Variants in UNC5D observed in about 807,000 individuals in gnomAD.
UNC5D encodes the protein netrin receptor UNC5D.
A neutral mutation model predicts 105.4 loss-of-function variants in UNC5D; 39 were observed. The ratio of observed to expected loss-of-function variants is 0.37; its 90% CI spans 0.29 to 0.48. The LOEUF (loss-of-function observed/expected upper bound fraction) is 0.48. Among genes scored for constraint, UNC5D ranks in the 20% least tolerant of loss-of-function variants. UNC5D has a pLI of 0.98. For missense variants in UNC5D, 991 were observed against 1,202.4 expected, an observed-to-expected ratio of 0.82 and a Z score of 2.60; for synonymous variants, 452 against 450.4, an observed-to-expected ratio of 1.00 and a Z score of -0.04.
intron 2 of UNC5D, among the ~76,000 whole-genome samples, chr8:35,553,141 A>G (rs1272053212): frequency 6.6e-6 from 1 of 152,214 alleles, no homozygotes; most frequent in Non-Finnish European, 1.5e-5. Context: ...TACCACTGCT[A>G]GAAAAATCTT....
intron 1 of UNC5D, among the ~76,000 whole-genome samples, chr8:35,470,903 C>T (rs1219137505): frequency 1.3e-5 from 2 of 152,142 alleles, no homozygotes; most frequent in South Asian, 2.1e-4. Flanking sequence ...CAAGGCCTTA[C>T]ATTTGTATTG....
rs184344237 is a variant in UNC5D, at chr8:35,401,530, A to G, written c.104-147762A>G. On this transcript the variant is annotated intron_variant, in intron 1 of 16. Coordinates refer to ENST00000404895, the MANE Select transcript of UNC5D (RefSeq NM_080872.4). ...GAGAAATACTTGACAGATGAACGAG[A>G]CAGTTCTGAGATGAGGACACCTCGT... Among the ~76,000 whole-genome samples, 407 of 152,266 alleles carry G rather than the reference A, an allele frequency of 2.7e-3. 2 individuals carry two copies. Among genetic ancestry groups the G allele is most frequent in the African/African-American group, 9.4e-3 (391 of 41,540 alleles).
chr8:35,597,983 C>G (rs1046503677), intron 4 of UNC5D, among the ~76,000 whole-genome samples: 7 of 152,108 alleles, frequency 4.6e-5, no homozygotes, highest in South Asian at 2.1e-4. Context: ...CCCCTTCAAT[C>G]TCTCTCAGAT....
intron 1 of UNC5D, among the ~76,000 whole-genome samples, chr8:35,513,872 G>A (rs549835261): frequency 6.6e-6 from 1 of 152,292 alleles, no homozygotes; most frequent in East Asian, 1.9e-4. Context: ...AAAACCAAAT[G>A]ATGCAGTAAA....
At chr8:35,516,648 T>C (rs575673713) in intron 1 of UNC5D, among the ~76,000 whole-genome samples, 90 of 152,294 alleles carry the variant, frequency 5.9e-4, no homozygotes, top group Middle Eastern at 6.8e-3. Flanking sequence ...CTCTACTATC[T>C]CTCCCAAATT....
intron 4 of UNC5D, among the ~76,000 whole-genome samples, chr8:35,634,968 G>A (rs1039594022): frequency 2.6e-5 from 4 of 152,100 alleles, no homozygotes; most frequent in Admixed American, 6.5e-5. Flanking sequence ...ATTTCTCCAC[G>A]TTGGTCAGGC....
At chr8:35,383,533 G>T (rs189982719) in intron 1 of UNC5D, among the ~76,000 whole-genome samples, 1 of 152,188 alleles carries the variant, frequency 6.6e-6, no homozygotes, top group Admixed American at 6.5e-5. Flanking sequence ...TTTCAACAGG[G>T]GCCCAATGAA....
At chr8:35,563,789 T>C (rs1392112471) in intron 2 of UNC5D, among the ~76,000 whole-genome samples, 2 of 152,260 alleles carry the variant, frequency 1.3e-5, no homozygotes, top group Non-Finnish European at 2.9e-5. Flanking sequence ...GTATGTTCTT[T>C]CTATGTATAA....
chr8:35,688,873 G>A (rs1190689955), intron 7 of UNC5D, among the ~76,000 whole-genome samples: 1 of 152,162 alleles, frequency 6.6e-6, no homozygotes, highest in African/African-American at 2.4e-5. Flanking sequence ...ATTGTTTAAA[G>A]CAACTACCTG....
intron 4 of UNC5D, among the ~76,000 whole-genome samples, chr8:35,621,096 A>T (rs1563600243): frequency 6.6e-6 from 1 of 152,098 alleles, no homozygotes; most frequent in Non-Finnish European, 1.5e-5. Context: ...GACAACCAAA[A>T]ATGTCAGCAG....
At chr8:35,499,105 G>C (rs192166411) in intron 1 of UNC5D, among the ~76,000 whole-genome samples, 3 of 152,304 alleles carry the variant, frequency 2.0e-5, no homozygotes, top group Admixed American at 2.0e-4. Context: ...AGAGCTTGGG[G>C]ATTGGTTCAG....
intron 1 of UNC5D, among the ~76,000 whole-genome samples, chr8:35,354,294 T>A (rs1205418549): frequency 2.0e-5 from 3 of 152,142 alleles, no homozygotes; most frequent in Admixed American, 6.6e-5. Context: ...GTTCTTTTGA[T>A]ATATTAAGCA....
intron 9 of UNC5D, among the ~76,000 whole-genome samples, chr8:35,723,221 G>T (rs113726709): frequency 1.3e-5 from 2 of 152,108 alleles, no homozygotes; most frequent in African/African-American, 4.8e-5. Context: ...TCAGTGCAAG[G>T]CAGTGATTGA....
At chr8:35,267,599 C>T (rs1804976254) in intron 1 of UNC5D, among the ~76,000 whole-genome samples, 1 of 152,070 alleles carries the variant, frequency 6.6e-6, no homozygotes, top group Admixed American at 6.6e-5. Flanking sequence ...CCACCATGCC[C>T]AGCTAATTTT....
intron 4 of UNC5D, among the ~76,000 whole-genome samples, chr8:35,663,909 A>G (rs1406851290): frequency 6.6e-6 from 1 of 152,204 alleles, no homozygotes; most frequent in Non-Finnish European, 1.5e-5. Context: ...TATTTTTTAA[A>G]AAGAGTGTGG....
At chr8:35,408,196 T>C (rs1037288454) in intron 1 of UNC5D, among the ~76,000 whole-genome samples, 2 of 151,866 alleles carry the variant, frequency 1.3e-5, no homozygotes, top group Admixed American at 6.6e-5. Flanking sequence ...TTAAACATGC[T>C]ATGTGTAATG....
chr8:35,520,008 C>T (rs572338141), intron 1 of UNC5D, among the ~76,000 whole-genome samples: 1 of 152,046 alleles, frequency 6.6e-6, no homozygotes, highest in Non-Finnish European at 1.5e-5. Context: ...GACTTTGGCT[C>T]TTCTTCAAAG....
At chr8:35,388,000 G>C (rs1486379562) in intron 1 of UNC5D, among the ~76,000 whole-genome samples, 1 of 152,100 alleles carries the variant, frequency 6.6e-6, no homozygotes, top group Non-Finnish European at 1.5e-5. Context: ...CAAGTGTTGG[G>C]AAAAGGCCAA....
chr8:35,623,312 C>T (rs1821475883), intron 4 of UNC5D, among the ~76,000 whole-genome samples: 1 of 152,132 alleles, frequency 6.6e-6, no homozygotes, highest in Admixed American at 6.5e-5. Context: ...CTTTCTTTGG[C>T]TGAGTAAAAT....
Sources: gnomAD v4.1 joint callset for allele counts (sites outside exome capture counted in the v4.1 genomes callset) on GRCh38, gnomAD v4.1.1 for gene constraint, MANE v1.5 for transcripts, NCBI Gene and HGNC (gene_info 2026-07-23, HGNC 2026-07-21) for gene names.